FBXO3: variants seen among roughly 807,000 people sequenced by gnomAD.
FBXO3 encodes F-box protein 3.
FBXO3 carries 17 observed loss-of-function variants against 64.8 expected under a neutral mutation model. The observed-to-expected ratio is 0.26, with a 90% CI of 0.18 to 0.39. FBXO3 has a LOEUF of 0.39. FBXO3 is among the 10% of genes least tolerant of loss of function. The probability of loss-of-function intolerance (pLI) is 1.00; values close to 1 mark genes in which losing one functional copy is unlikely to be tolerated. For synonymous variants in FBXO3, 182 were observed against 201.6 expected (o/e 0.90, Z 0.82); for missense variants, 420 against 589.9 (o/e 0.71, Z 2.98).
At chr11:33,742,195 A>G in intron 10 of FBXO3, 111 bp from the exon 11 acceptor site, 1 of 1,022,996 alleles carries the variant, frequency 9.8e-7, no homozygotes, top group Non-Finnish European at 1.4e-6. Flanking sequence ...GCCAAATATG[A>G]ATTTCCATAG....
intron 3 of FBXO3, chr11:33,767,699 C>T (rs752053655): frequency 2.0e-5 from 3 of 152,148 alleles, no homozygotes; most frequent in Non-Finnish European, 4.4e-5. Flanking sequence ...GAGTAATACT[C>T]AAGAAATACT....
At position 33,770,655 on chromosome 11, in the gene FBXO3, G is replaced by C; in HGVS notation, c.194+86C>G. The C allele has an allele frequency of 4.1e-6, 4 of 975,166 alleles. No homozygotes were observed. The South Asian group carries it at 4.3e-5, about 11-fold the overall frequency. The allele number at this position is 975,166 out of a possible 1,614,324, so 60.4% of individuals were successfully genotyped here. A position where few individuals can be genotyped will look rare whatever the true frequency, so the allele number is the denominator to read the frequency against. On this transcript the variant is annotated intron_variant, in intron 2 of 10. Coordinates refer to ENST00000265651, the MANE Select transcript of FBXO3 (RefSeq NM_012175.4). ...CCACCAAAGGAGATAAAGAGACAAGGGTTAGAGAGGAGAATCAGGACAAAC... is the reference window on the plus strand; with the variant it reads ...CCACCAAAGGAGATAAAGAGACAAGCGTTAGAGAGGAGAATCAGGACAAAC...
At chr11:33,747,607 G>A (rs187366543) in intron 9 of FBXO3, among the ~76,000 whole-genome samples, 10 of 151,732 alleles carry the variant, frequency 6.6e-5, no homozygotes, top group South Asian at 2.1e-4. Flanking sequence ...CACCTCCTGG[G>A]CTCAAGCTAT....
rs2133587243 is a variant in FBXO3, at chr11:33,741,393, C to T, written c.*515G>A. On this transcript the variant is annotated 3_prime_UTR_variant, in exon 11 of 11. Transcript: ENST00000265651. ...CAAAGACAGATTGTCTAAGGACAAA[C>T]CACTAGCGTTCAAGTTGTTTAGTCA... 1 of 152,796 alleles carries T rather than the reference C, an allele frequency of 6.5e-6. No individual in the cohort carries two copies. The highest frequency in any genetic ancestry group is 2.1e-4 in the South Asian group (1 of 4,826). The allele number at this position is 152,796 out of a possible 1,614,324, so 9.5% of individuals were successfully genotyped here.
At chr11:33,766,850 A>C (rs946727434) in intron 3 of FBXO3, among the ~76,000 whole-genome samples, 4 of 152,148 alleles carry the variant, frequency 2.6e-5, no homozygotes, top group African/African-American at 9.7e-5. Context: ...AAGAGCCTTT[A>C]TCCTATTCCA....
At chr11:33,766,230 C>G (rs1194365992) in intron 3 of FBXO3, among the ~76,000 whole-genome samples, 2 of 152,160 alleles carry the variant, frequency 1.3e-5, no homozygotes, top group Non-Finnish European at 2.9e-5. Flanking sequence ...AGCCAAGAAG[C>G]CTAGATTAGA....
At chr11:33,763,852 T>C (rs1216808442) in intron 3 of FBXO3, among the ~76,000 whole-genome samples, 2 of 152,146 alleles carry the variant, frequency 1.3e-5, no homozygotes, top group Non-Finnish European at 2.9e-5. Flanking sequence ...TTCTACATCC[T>C]TAGGGAAATG....
At chr11:33,755,349 C>T (rs773936643) in intron 5 of FBXO3, among the ~76,000 whole-genome samples, 9 of 152,066 alleles carry the variant, frequency 5.9e-5, no homozygotes, top group Non-Finnish European at 1.3e-4. Context: ...CAATAAAAGT[C>T]TCCTAAAAAA....
In FBXO3 at chr11:33,748,955, G is replaced by C. The variant is rs536589665; in HGVS notation, c.933-63C>G. ...GCTTCTTTGTTTCTTTGGTTTAAGA[G>C]ATACAGTATTCAGGCTAATACTATG... is the stretch of plus-strand genomic sequence containing the variant. On this transcript the variant is annotated intron_variant, in intron 8 of 10. Coordinates refer to ENST00000265651, the MANE Select transcript of FBXO3 (RefSeq NM_012175.4). 1,609 of 1,124,890 alleles carry C rather than the reference G, an allele frequency of 1.4e-3. 26 individuals carry two copies. In the South Asian group the frequency reaches 0.02, roughly 14 times the overall value. The allele number at this position is 1,124,890 out of a possible 1,614,324, so 69.7% of individuals were successfully genotyped here. A position where few individuals can be genotyped will look rare whatever the true frequency, so the allele number is the denominator to read the frequency against.
rs1323803583 is a variant in FBXO3 at position 33,741,803 on chromosome 11, CTA to C, written c.*103_*104del. ...CCAGGGCCTGAAACAATATTTCATG[CTA>C]GTTTTCCTGCTATATGCAGAGAACA... On this transcript the variant is annotated 3_prime_UTR_variant, in exon 11 of 11. Coordinates refer to ENST00000265651, the MANE Select transcript of FBXO3 (RefSeq NM_012175.4). 1 of 1,110,910 alleles carries C rather than the reference CTA, an allele frequency of 9.0e-7. No individual in the cohort carries two copies. The highest frequency in any genetic ancestry group is 1.2e-6 in the Non-Finnish European group (1 of 839,740). 68.8% of individuals were successfully genotyped at this position (1,110,910 alleles called of 1,614,324 possible).
At chr11:33,753,597 T>C (rs144584021) in intron 6 of FBXO3, 1 of 152,334 alleles carries the variant, frequency 6.6e-6, no homozygotes, top group African/African-American at 2.4e-5. Flanking sequence ...AGGACCTACA[T>C]TTAAAAGCTT....
intron 4 of FBXO3, 134 bp downstream of exon 4, chr11:33,758,353 T>C (rs1855159590): frequency 1.2e-5 from 6 of 521,232 alleles, no homozygotes; most frequent in South Asian, 1.0e-4. Context: ...GTCTTATGGA[T>C]TGCTATAAAG....
rs369308782 is a variant in FBXO3, at chr11:33,774,378, C to A, written c.104+16G>T. 4.4e-6 allele frequency: 7 copies of A among 1,583,818 alleles called. No individual in the cohort carries two copies. Among genetic ancestry groups the A allele is most frequent in the South Asian group, 1.1e-5 (1 of 87,748 alleles). ...TCCCCATGCCCCCACCCCTGCCATG[C>A]GTGTCGTCCCATTACTTGATTAGAT... is the stretch of plus-strand genomic sequence containing the variant. On this transcript the variant is annotated intron_variant, in intron 1 of 10. Coordinates refer to ENST00000265651, the MANE Select transcript of FBXO3 (RefSeq NM_012175.4).
At chr11:33,745,585 A>G (rs974344960) in intron 10 of FBXO3, 3 of 152,200 alleles carry the variant, frequency 2.0e-5, no homozygotes, top group African/African-American at 7.2e-5. Flanking sequence ...GAAAAGTCAT[A>G]GATCAAAATT....
At chr11:33,774,034 G>A (rs1297469153) in intron 1 of FBXO3, 1 of 266,688 alleles carries the variant, frequency 3.7e-6, no homozygotes, top group African/African-American at 2.4e-5. Flanking sequence ...CACAGCAGCA[G>A]GGACTGACCC....
chr11:33,769,178 T>A (rs1392068575), intron 2 of FBXO3, among the ~76,000 whole-genome samples, 164 bp from the exon 3 acceptor site: 2 of 152,158 alleles, frequency 1.3e-5, no homozygotes, highest in Non-Finnish European at 2.9e-5. Context: ...CATAAAAAAA[T>A]TTTAACAAAA....
At chr11:33,772,626 G>T (rs1194211790) in intron 1 of FBXO3, 1 of 152,168 alleles carries the variant, frequency 6.6e-6, no homozygotes, top group Admixed American at 6.5e-5. Context: ...AGCTCCTTCC[G>T]ATTTGATCAC....
At chr11:33,750,423 T>G (rs57966527) in intron 8 of FBXO3, 116 bp downstream of exon 8, 67,678 of 1,241,144 alleles carry the variant, frequency 0.055, 3,116 homozygotes, top group African/African-American at 0.19. Flanking sequence ...TCCTCCAAAC[T>G]TCAGCAAGTT....
chr11:33,771,007 T>C, intron 1 of FBXO3, 177 bp from the exon 2 acceptor site: 1 of 493,274 alleles, frequency 2.0e-6, no homozygotes, highest in South Asian at 3.2e-5. Context: ...AGTAGTATAA[T>C]TGCCTTGTTA....
Sources: allele counts gnomAD v4.1 joint callset (sites outside exome capture counted in the v4.1 genomes callset), GRCh38; gene constraint gnomAD v4.1.1; transcripts MANE v1.5; gene names NCBI Gene and HGNC (gene_info 2026-07-23, HGNC 2026-07-21).